The following JMJD6 variants were observed in gnomAD, a reference collection of about 807,000 sequenced individuals.
JMJD6 encodes the protein jumonji domain containing 6, arginine demethylase and lysine hydroxylase, also known as bifunctional arginine demethylase and lysyl-hydroxylase JMJD6.
JMJD6 carries 17 observed loss-of-function variants against 45.8 expected under a neutral mutation model. The observed-to-expected ratio is 0.37, with a 90% CI of 0.25 to 0.56. The LOEUF (loss-of-function observed/expected upper bound fraction) is 0.56. JMJD6 is among the 20% of genes least tolerant of loss of function. The pLI, the probability that JMJD6 is intolerant of heterozygous loss-of-function variation, is 0.79. For missense variants in JMJD6, 470 were observed against 517.5 expected, an observed-to-expected ratio of 0.91 and a Z score of 0.89; for synonymous variants, 221 against 196.3, an observed-to-expected ratio of 1.13 and a Z score of -1.05.
downstream of JMJD6, among the ~76,000 whole-genome samples, chr17:76,718,025 T>C (rs2076779330): frequency 6.7e-6 from 1 of 149,816 alleles, no homozygotes; most frequent in Non-Finnish European, 1.5e-5. Context: ...AAGCTGGGCA[T>C]GGTGGGGTGA....
chr17:76,720,688 A>T, intron 4 of JMJD6, 190 bp from the exon 5 acceptor site: 1 of 502,896 alleles, frequency 2.0e-6, no homozygotes, highest in South Asian at 3.4e-5. Context: ...TACGGTGCCC[A>T]TGTTTTTCTG....
chr17:76,725,879 T>G, intron 1 of JMJD6, 24 bp from the exon 2 acceptor site: 1 of 1,545,684 alleles, frequency 6.5e-7, no homozygotes. Context: ...AAAAGACCTG[T>G]CCAGTTAAAA....
downstream of JMJD6, chr17:76,716,373 C>A (rs2076764463): frequency 6.2e-6 from 2 of 323,918 alleles, no homozygotes; most frequent in Non-Finnish European, 1.2e-5. Flanking sequence ...CAAGACGTTA[C>A]AAGGATCACA....
chr17:76,725,741 G>GC lies in JMJD6; in HGVS notation c.243dup (p.Gln82AlafsTer22). 6.2e-7 allele frequency: 1 copy of GC among 1,614,006 alleles called. No individual in the cohort carries two copies. The highest frequency in any genetic ancestry group is 8.5e-7 in the Non-Finnish European group (1 of 1,180,016). On this transcript the variant is annotated frameshift_variant, in exon 2 of 6. Coordinates refer to ENST00000397625, the MANE Select transcript of JMJD6 (RefSeq NM_015167.3). LOFTEE classifies it high-confidence loss of function. The stretch of plus-strand genomic sequence containing the variant: ...AGGCGCTCCAGAGTCCATTTCTCCT[G>GC]CGCAGACCAGCCCTCTTGCGCATTC...
In JMJD6 at chr17:76,718,609, T is replaced by G. The variant is rs1290768435; in HGVS notation, c.*120A>C. Reference sequence around the variant, plus strand: ...AGTGAATGGGTTCCCGTGCCGAGGGTGTCCTCATTCTTGGGCTCTGTCAGG... The same window carrying G: ...AGTGAATGGGTTCCCGTGCCGAGGGGGTCCTCATTCTTGGGCTCTGTCAGG... On this transcript the variant is annotated 3_prime_UTR_variant, in exon 6 of 6. Coordinates refer to ENST00000397625, the MANE Select transcript of JMJD6 (RefSeq NM_015167.3). 6.8e-7 allele frequency: 1 copy of G among 1,481,136 alleles called. No individual in the cohort carries two copies. The highest frequency in any genetic ancestry group is 8.9e-7 in the Non-Finnish European group (1 of 1,120,620). The allele number at this position is 1,481,136 out of a possible 1,614,324, so 91.7% of individuals were successfully genotyped here.
chr17:76,719,017 C>A (rs980342206), intron 5 of JMJD6, among the ~76,000 whole-genome samples, 157 bp from the exon 6 acceptor site: 1 of 152,202 alleles, frequency 6.6e-6, no homozygotes, highest in Non-Finnish European at 1.5e-5. Flanking sequence ...GCCTTCATAG[C>A]CACCTCCTTG....
downstream of JMJD6, among the ~76,000 whole-genome samples, chr17:76,717,202 C>T (rs971340046): frequency 2.0e-5 from 3 of 152,158 alleles, no homozygotes; most frequent in Non-Finnish European, 4.4e-5. Flanking sequence ...CTATGAACGT[C>T]AGTATTAAAA....
chr17:76,715,675 A>G (rs2076758754), downstream of JMJD6: 1 of 152,238 alleles, frequency 6.6e-6, no homozygotes, highest in African/African-American at 2.4e-5. Context: ...AGTGCTTCCA[A>G]GTGCGCCCCA....
chr17:76,718,373 GCTTTCC>G, downstream of JMJD6: 7 of 1,072,032 alleles, frequency 6.5e-6, no homozygotes, highest in Non-Finnish European at 8.3e-6. Flanking sequence ...AGGAGTCACT[GCTTTCC>G]CCCAAGACCA....
intron 3 of JMJD6, among the ~76,000 whole-genome samples, chr17:76,722,949 ATTT>A (rs111664445): frequency 6.9e-6 from 1 of 145,644 alleles, no homozygotes. Flanking sequence ...TTTACATACA[ATTT>A]TTTTTTTTTT....
In JMJD6 at chr17:76,718,475, A is replaced by G; in HGVS notation, c.*254T>C. 7.6e-7 allele frequency: 1 copy of G among 1,309,816 alleles called. No homozygotes were observed. Among genetic ancestry groups the G allele is most frequent in the Non-Finnish European group, 9.7e-7 (1 of 1,033,626 alleles). 81.1% of individuals were successfully genotyped at this position (1,309,816 alleles called of 1,614,324 possible). A position where few individuals can be genotyped will look rare whatever the true frequency, so the allele number is the denominator to read the frequency against. On this transcript the variant is annotated 3_prime_UTR_variant, in exon 6 of 6. Transcript: ENST00000397625. ...ATAGAAAATGGATTCAATTTTTATT[A>G]AATAATGTAAAGGATTTTCTTGGCA... is the stretch of plus-strand genomic sequence containing the variant.
In JMJD6 at chr17:76,726,515, C is replaced by A; in HGVS notation, c.-40G>T. On this transcript the variant is annotated 5_prime_UTR_variant, in exon 1 of 6. Transcript: ENST00000397625. ...AGCTGGTTCCGCTACGACCTCGGCG[C>A]AGCCCGCTTCCTGACACTAACGCAC... 5 of 1,567,656 alleles carry A rather than the reference C, an allele frequency of 3.2e-6. No individual in the cohort carries two copies. The highest frequency in any genetic ancestry group is 4.3e-6 in the Non-Finnish European group (5 of 1,158,818).
intron 1 of JMJD6, 64 bp downstream of exon 1, chr17:76,726,283 G>A (rs1195067925): frequency 4.0e-6 from 6 of 1,504,700 alleles, no homozygotes; most frequent in East Asian, 2.7e-5. Flanking sequence ...CGGGCCCAGA[G>A]AAAGGTGCGT....
rs778220189 is a variant in JMJD6 at position 76,725,760 on chromosome 17, C to T, written c.225G>A (p.Ala75=). ...TCTCCTGCGCAGACCAGCCCTCTTG[C>T]GCATTCAACAAAACCACGGGCTTGT... ...RPYKPVVLLN[A]QEGWSAQEKW... is the part of the protein sequence containing the mutation. The change falls in exon 2 of 6, where the codon GCG becomes GCA. Residue 75 remains alanine (A), a synonymous_variant. Coordinates refer to ENST00000397625, the MANE Select transcript of JMJD6 (RefSeq NM_015167.3). 12 of 1,613,980 alleles carry T rather than the reference C, an allele frequency of 7.4e-6. No homozygotes were observed. The South Asian group carries it at 7.7e-5, about 10-fold the overall frequency.
intron 1 of JMJD6, 140 bp downstream of exon 1, chr17:76,726,207 C>T: frequency 2.5e-6 from 3 of 1,203,604 alleles, no homozygotes; most frequent in Admixed American, 3.4e-5. Flanking sequence ...GCCTCGGGGA[C>T]CCCAAACTCC....
At chr17:76,714,914 G>A (rs1048768342), downstream of JMJD6, 1 of 152,342 alleles carries the variant, frequency 6.6e-6, no homozygotes, top group African/African-American at 2.4e-5. Flanking sequence ...TTCCCAAAGT[G>A]CTGGGATTAC....
At chr17:76,721,148 G>GC (rs901257907) in intron 4 of JMJD6, 2 of 228,456 alleles carry the variant, frequency 8.8e-6, no homozygotes, top group African/African-American at 4.5e-5. Context: ...GGCCTACGGG[G>GC]CGGGGTAAGT....
downstream of JMJD6, chr17:76,718,358 ACAG>A (rs1223134259): frequency 1.1e-6 from 1 of 911,976 alleles, no homozygotes. Context: ...TCAAGGATGC[ACAG>A]CAGGAGTCAC....
intron 4 of JMJD6, chr17:76,720,729 T>TA: frequency 2.5e-6 from 1 of 405,928 alleles, no homozygotes; most frequent in Non-Finnish European, 4.5e-6. Flanking sequence ...ACACACAATT[T>TA]ACTACCACCT....
Sources: allele counts gnomAD v4.1 joint callset (sites outside exome capture counted in the v4.1 genomes callset), GRCh38; gene constraint gnomAD v4.1.1; transcripts MANE v1.5; gene names NCBI Gene and HGNC (gene_info 2026-07-23, HGNC 2026-07-21).